CFTR: variants seen among roughly 807,000 people sequenced by gnomAD.
CFTR encodes the protein cystic fibrosis transmembrane conductance regulator.
CFTR carries 181 observed loss-of-function variants against 171.6 expected under a neutral mutation model. The ratio of observed to expected loss-of-function variants is 1.05; its 90% CI spans 0.93 to 1.19. The LOEUF (loss-of-function observed/expected upper bound fraction) is 1.19, where lower values mean the gene tolerates loss of function less well. Ranked by LOEUF, CFTR falls within the 50% of genes most tolerant of loss-of-function variation. The pLI, the probability that CFTR is intolerant of heterozygous loss-of-function variation, is 0.00. For missense variants in CFTR, 1,968 were observed against 1,734.7 expected (o/e 1.13, Z -2.39); for synonymous variants, 583 against 608.0 (o/e 0.96, Z 0.60).
intron 15 of CFTR, 95 bp downstream of exon 15, chr7:117,595,153 A>G: frequency 1.1e-6 from 1 of 951,352 alleles, no homozygotes; most frequent in Admixed American, 1.8e-5. Context: ...ATAAATATGT[A>G]TATATACACA....
intron 24 of CFTR, among the ~76,000 whole-genome samples, chr7:117,659,546 A>G (rs1420032658): frequency 6.6e-6 from 1 of 152,210 alleles, no homozygotes; most frequent in Non-Finnish European, 1.5e-5. Context: ...ATGAGGACTC[A>G]GAGCCTTGAG....
chr7:117,554,066 A>G (rs939813057), intron 10 of CFTR, among the ~76,000 whole-genome samples: 1 of 152,158 alleles, frequency 6.6e-6, no homozygotes, highest in Non-Finnish European at 1.5e-5. Context: ...GCTCGTAAAG[A>G]CTAAGGCTTA....
chr7:117,649,563 C>T (rs185675861), intron 23 of CFTR, among the ~76,000 whole-genome samples: 1 of 145,690 alleles, frequency 6.9e-6, no homozygotes, highest in Non-Finnish European at 1.5e-5. Flanking sequence ...GTTGTAATAG[C>T]TGTTCTTTCA....
chr7:117,628,457 T>G (rs987182649), intron 22 of CFTR, among the ~76,000 whole-genome samples: 2 of 152,164 alleles, frequency 1.3e-5, no homozygotes, highest in African/African-American at 4.8e-5. Context: ...TCTGGACTGC[T>G]CTATAAATCT....
rs1791964460 is a variant in CFTR, at chr7:117,587,764, A to G, written c.1610A>G (p.Asp537Gly). 6.2e-7 allele frequency: 1 copy of G among 1,611,102 alleles called. No homozygotes were observed. Among genetic ancestry groups the G allele is most frequent in the African/African-American group, 1.3e-5 (1 of 74,852 alleles). The change falls in exon 12 of 27, where the codon GAC becomes GGC. Residue 537 changes from aspartate (D) to glycine (G), a missense_variant. Coordinates refer to ENST00000003084, the MANE Select transcript of CFTR (RefSeq NM_000492.4). ...GACATCTCCAAGTTTGCAGAGAAAGACAATATAGTTCTTGGAGAAGGTGGA... is the reference window on the plus strand; with the variant it reads ...GACATCTCCAAGTTTGCAGAGAAAGGCAATATAGTTCTTGGAGAAGGTGGA... Reference protein sequence around the residue: ...EEDISKFAEKDNIVLGEGGIT... With the variant: ...EEDISKFAEKGNIVLGEGGIT...
At chr7:117,638,942 T>G (rs1765839732) in intron 22 of CFTR, among the ~76,000 whole-genome samples, 1 of 152,062 alleles carries the variant, frequency 6.6e-6, no homozygotes, top group African/African-American at 2.4e-5. Flanking sequence ...TTTAGTATAC[T>G]AGTAATATTT....
At chr7:117,502,350 A>G (rs1365398758) in intron 1 of CFTR, among the ~76,000 whole-genome samples, 1 of 152,244 alleles carries the variant, frequency 6.6e-6, no homozygotes, top group Non-Finnish European at 1.5e-5. Context: ...GATCCCTTTT[A>G]GTTCTACCCA....
chr7:117,549,129 A>G (rs1464038027), intron 10 of CFTR, among the ~76,000 whole-genome samples: 2 of 152,224 alleles, frequency 1.3e-5, no homozygotes, highest in Non-Finnish European at 2.9e-5. Flanking sequence ...CATCCATTTT[A>G]TCCATTCTTA....
At chr7:117,582,067 T>A (rs1031431352) in intron 11 of CFTR, among the ~76,000 whole-genome samples, 1 of 152,204 alleles carries the variant, frequency 6.6e-6, no homozygotes, top group African/African-American at 2.4e-5. Context: ...AGTTTTATTT[T>A]AGAATTAAAA....
At position 117,579,337 on chromosome 7, in the gene CFTR, T is replaced by C. The variant is rs57916446; in HGVS notation, c.1585-8402T>C. Among the ~76,000 whole-genome samples, 326 of 152,052 alleles carry C rather than the reference T, an allele frequency of 2.1e-3. 2 individuals carry two copies. The highest frequency in any genetic ancestry group is 7.6e-3 in the African/African-American group (314 of 41,552). ...TATAAATACATCCCAATGAGGTTGGTTTTGAAATTTTGTTAATTGGAACTT... is the reference window on the plus strand; with the variant it reads ...TATAAATACATCCCAATGAGGTTGGCTTTGAAATTTTGTTAATTGGAACTT... On this transcript the variant is annotated intron_variant, in intron 11 of 26. Coordinates refer to ENST00000003084, the MANE Select transcript of CFTR (RefSeq NM_000492.4).
At chr7:117,520,923 G>A (rs1483973729) in intron 3 of CFTR, among the ~76,000 whole-genome samples, 3 of 151,892 alleles carry the variant, frequency 2.0e-5, no homozygotes, top group African/African-American at 7.2e-5. Context: ...GATGAAGATT[G>A]CACTAATCTT....
intron 7 of CFTR, among the ~76,000 whole-genome samples, chr7:117,539,555 A>T (rs1465097081): frequency 3.3e-5 from 5 of 152,106 alleles, no homozygotes; most frequent in African/African-American, 7.2e-5. Flanking sequence ...AAGGCTTAAG[A>T]ACCACTTCTC....
intron 17 of CFTR, among the ~76,000 whole-genome samples, chr7:117,606,393 T>G (rs1792300175): frequency 6.6e-6 from 1 of 152,194 alleles, no homozygotes; most frequent in Non-Finnish European, 1.5e-5. Flanking sequence ...CCTGACATAA[T>G]TTATAGTAAA....
At chr7:117,653,261 A>C (rs1371671429) in intron 24 of CFTR, among the ~76,000 whole-genome samples, 2 of 152,176 alleles carry the variant, frequency 1.3e-5, no homozygotes, top group African/African-American at 4.8e-5. Context: ...GACTGAGCCT[A>C]CTTCTCTCCT....
At chr7:117,627,438 C>A in intron 21 of CFTR, 84 bp from the exon 22 acceptor site, 2 of 1,426,320 alleles carry the variant, frequency 1.4e-6, no homozygotes, top group South Asian at 1.2e-5. Flanking sequence ...TTGCATTTTA[C>A]AAGTTATTTT....
At chr7:117,573,119 C>G (rs1442779819) in intron 11 of CFTR, among the ~76,000 whole-genome samples, 1 of 151,608 alleles carries the variant, frequency 6.6e-6, no homozygotes, top group Non-Finnish European at 1.5e-5. Context: ...TTTGTATGTG[C>G]AAATCAGAGT....
intron 16 of CFTR, 42 bp downstream of exon 16, chr7:117,602,905 C>A (rs778975510): frequency 2.0e-6 from 3 of 1,509,714 alleles, no homozygotes; most frequent in Admixed American, 3.3e-5. Flanking sequence ...TGTTTTATTT[C>A]TGTTGATTAA....
intron 21 of CFTR, among the ~76,000 whole-genome samples, chr7:117,617,860 T>C (rs1049844006): frequency 4.6e-5 from 7 of 152,272 alleles, no homozygotes; most frequent in Middle Eastern, 3.4e-3. Flanking sequence ...TTCCTCAATC[T>C]ACTTCCATTT....
At chr7:117,589,871 T>C (rs983745011) in intron 12 of CFTR, among the ~76,000 whole-genome samples, 1 of 152,066 alleles carries the variant, frequency 6.6e-6, no homozygotes. Context: ...TTTGGAATAG[T>C]TTATTTTCTT....
Sources: allele counts gnomAD v4.1 joint callset (sites outside exome capture counted in the v4.1 genomes callset), GRCh38; gene constraint gnomAD v4.1.1; transcripts MANE v1.5; gene names NCBI Gene and HGNC (gene_info 2026-07-23, HGNC 2026-07-21).